FEZF1: variants seen among roughly 807,000 people sequenced by gnomAD.
FEZF1 encodes fez family zinc finger protein 1.
FEZF1 carries 8 observed loss-of-function variants against 32.4 expected under a neutral mutation model. That is an observed-to-expected ratio of 0.25 (90% CI 0.15 to 0.45). FEZF1 has a LOEUF of 0.45. Ranked by LOEUF, FEZF1 falls within the 20% of genes least tolerant of loss-of-function variation. The pLI, the probability that FEZF1 is intolerant of heterozygous loss-of-function variation, is 1.00. For synonymous variants in FEZF1, 259 were observed against 265.2 expected (o/e 0.98, Z 0.23); for missense variants, 546 against 622.3 (o/e 0.88, Z 1.31).
rs759906335 is a variant in FEZF1, at chr7:122,303,994, C to G, written c.444G>C (p.Val148=). 19 of 1,575,078 alleles carry G rather than the reference C, an allele frequency of 1.2e-5. No individual in the cohort carries two copies. The South Asian group carries it at 2.1e-4, about 17-fold the overall frequency. ...TGGCGTGGAATGAAGAGTGGTTGACCACACGCGGCCTTACCAGCTTGTACT... is the reference window on the plus strand; with the variant it reads ...TGGCGTGGAATGAAGAGTGGTTGACGACACGCGGCCTTACCAGCTTGTACT... ...LQQYKLVRPR[V]VNHSSFHAMG... The change falls in exon 1 of 4, where the codon GTG becomes GTC. Residue 148 remains valine, a synonymous_variant. Coordinates refer to ENST00000442488, the MANE Select transcript of FEZF1 (RefSeq NM_001024613.4).
Position 122,303,673 on chromosome 7 carries a change from G to T in FEZF1, c.765C>A (p.Ala255=). ...CTTCGCAAGTGAAAACTTTGGGCTTGGCATTAGGAGAGCCTCGGCTGAAAT... is the reference window on the plus strand; with the variant it reads ...CTTCGCAAGTGAAAACTTTGGGCTTTGCATTAGGAGAGCCTCGGCTGAAAT... ...TSDFSRGSPN[A]KPKVFTCEVC... The change falls in exon 1 of 4, where the codon GCC becomes GCA. Residue 255 remains alanine (A), a synonymous_variant. Transcript: ENST00000442488. 1 of 1,614,112 alleles carries T rather than the reference G, an allele frequency of 6.2e-7. No homozygotes were observed.
At chr7:122,309,033 G>A (rs892764119), upstream of FEZF1, among the ~76,000 whole-genome samples, 1 of 152,190 alleles carries the variant, frequency 6.6e-6, no homozygotes, top group Non-Finnish European at 1.5e-5. Context: ...CTTTTGGTGT[G>A]TGATGGAGGC....
At position 122,302,087 on chromosome 7, in the gene FEZF1, C is replaced by A. The variant is rs1055303695; in HGVS notation, c.1338G>T (p.Pro446=). 10 of 1,609,546 alleles carry A rather than the reference C, an allele frequency of 6.2e-6. No homozygotes were observed. In the South Asian group the frequency reaches 1.1e-4, roughly 18 times the overall value. Residue 446 remains proline (P), a synonymous_variant, in exon 4 of 4, where the codon CCG becomes CCT. Transcript: ENST00000442488. This position sits in a 1 kb window ranked among gnomAD's most constrained non-coding sequence, Gnocchi z 4.4. ...EPGTEPPPPL[P]QQPPMTLPPL... ...GAGGCAGCGTCATCGGCGGCTGCTG[C>A]GGTAGCGGGGGCGGCGGTTCAGTGC...
chr7:122,305,369 T>TA (rs1486881194), upstream of FEZF1: 1 of 152,234 alleles, frequency 6.6e-6, no homozygotes, highest in African/African-American at 2.4e-5. Flanking sequence ...CGCCGGCAGG[T>TA]AACTGGCCTC....
At chr7:122,305,143 G>A (rs2031236236), upstream of FEZF1, 1 of 152,238 alleles carries the variant, frequency 6.6e-6, no homozygotes, top group African/African-American at 2.4e-5. Flanking sequence ...CAAACGCCAA[G>A]CTCCAGAAAG....
Position 122,302,010 on chromosome 7 carries a change from T to C in FEZF1, c.1415A>G (p.Gln472Arg), listed in dbSNP as rs373295088. The C allele has an allele frequency of 8.8e-6, 14 of 1,592,448 alleles. No individual in the cohort carries two copies. The South Asian group carries it at 1.3e-4, about 15-fold the overall frequency. ...TPGPLQPGLH[Q>R]GHQ ...CCTTAGCCTCGATCACTGGTGGCCC[T>C]GGTGGAGCCCGGGCTGCAGGGGCCC... is the stretch of plus-strand genomic sequence containing the variant. The change falls in exon 4 of 4, where the codon CAG (glutamine) becomes CGG (arginine). Residue 472 changes from glutamine to arginine, a missense_variant. This residue lies in a region of FEZF1 where 83 missense variants were observed against 73.0 expected (regional missense o/e 1.14). Transcript: ENST00000442488. The surrounding 1 kb of genome is among the most constrained non-coding windows in gnomAD (Gnocchi z 4.4).
At chr7:122,303,154 G>A (rs1354368395) in intron 2 of FEZF1, 23 bp downstream of exon 2, 1 of 1,613,796 alleles carries the variant, frequency 6.2e-7, no homozygotes, top group African/African-American at 1.3e-5. Context: ...CAAACTAGGT[G>A]AAATTGAGAC....
chr7:122,308,687 C>T (rs1169435625), upstream of FEZF1: 1 of 151,988 alleles, frequency 6.6e-6, no homozygotes, highest in Non-Finnish European at 1.5e-5. Flanking sequence ...TAACTAATTC[C>T]ACTTTCTGCC....
chr7:122,304,174 T>C lies in FEZF1; in HGVS notation c.264A>G (p.Ala88=). The C allele has an allele frequency of 6.2e-7, 1 of 1,600,822 alleles. No homozygotes were observed. Among genetic ancestry groups the C allele is most frequent in the Non-Finnish European group, 8.5e-7 (1 of 1,171,770 alleles). Residue 88 remains alanine, a synonymous_variant, in exon 1 of 4, where the codon GCA becomes GCG. Transcript: ENST00000442488. The part of the protein sequence containing the change: ...VPVAYDTSPK[A]GVTGSEPRKA... Reference sequence around the variant, plus strand: ...TCCGCGGCTCGGAGCCCGTCACTCCTGCCTTGGGGCTCGTGTCGTAGGCCA... The same window carrying C: ...TCCGCGGCTCGGAGCCCGTCACTCCCGCCTTGGGGCTCGTGTCGTAGGCCA...
rs1447349785 is a variant in FEZF1, at chr7:122,302,470, C to T, written c.1070-115G>A. ...AGCAGAAGAGCCGCCACAGGTCCCA[C>T]AACAAGTGCAGGGCTACTATCTGTG... On this transcript the variant is annotated intron_variant, in intron 3 of 3. Coordinates refer to ENST00000442488, the MANE Select transcript of FEZF1 (RefSeq NM_001024613.4). The surrounding 1 kb of genome is among the most constrained non-coding windows in gnomAD (Gnocchi z 4.4). The T allele has an allele frequency of 4.1e-6, 6 of 1,477,262 alleles. No homozygotes were observed. Among genetic ancestry groups the T allele is most frequent in the Non-Finnish European group, 5.5e-6 (6 of 1,096,084 alleles). The allele number at this position is 1,477,262 out of a possible 1,614,324, so 91.5% of individuals were successfully genotyped here.
chr7:122,303,532 A>AGGAG (rs1364846123), intron 1 of FEZF1, 105 bp downstream of exon 1: 3 of 238,654 alleles, frequency 1.3e-5, no homozygotes, highest in South Asian at 1.0e-4. Context: ...GAAGGAAGGA[A>AGGAG]GGAAGGAGGG....
In FEZF1 at chr7:122,302,426, TGGAAG is replaced by T; in HGVS notation, c.1070-76_1070-72del. On this transcript the variant is annotated intron_variant, in intron 3 of 3. Coordinates refer to ENST00000442488, the MANE Select transcript of FEZF1 (RefSeq NM_001024613.4). This position sits in a 1 kb window ranked among gnomAD's most constrained non-coding sequence, Gnocchi z 4.4. The stretch of plus-strand genomic sequence containing the variant: ...GCTTAAAAAGGGAGGAGCAGACACG[TGGAAG>T]GTAGCGCCAGGCAAGCAGAAGAGCC... The T allele has an allele frequency of 6.3e-7, 1 of 1,591,292 alleles. No individual in the cohort carries two copies. The highest frequency in any genetic ancestry group is 1.8e-5 in the Admixed American group (1 of 56,878).
In FEZF1 at chr7:122,303,823, C is replaced by T. The variant is rs757983995; in HGVS notation, c.615G>A (p.Val205=). ...AAGGGTATTTCTCCACCGCCGGGAC[C>T]ACCAGTTTATTCCTTTCGGCTAAAT... ...KTYLAERNKL[V]VPAVEKYPSG... Residue 205 remains valine, a synonymous_variant, in exon 1 of 4, where the codon GTG becomes GTA. Transcript: ENST00000442488. 10 of 1,614,122 alleles carry T rather than the reference C, an allele frequency of 6.2e-6. No individual in the cohort carries two copies. In the Admixed American group the frequency reaches 1.7e-4, roughly 27 times the overall value.
Position 122,304,570 on chromosome 7 carries a change from C to T in FEZF1, c.-133G>A. ...GTAGCCTCCTCCTCCTCCTCCTCCC[C>T]AGCATCACCAGCCGAACCTGCCTGC... On this transcript the variant is annotated 5_prime_UTR_variant, in exon 1 of 4. Transcript: ENST00000442488. The T allele has an allele frequency of 1.5e-6, 1 of 657,052 alleles. No homozygotes were observed. Among genetic ancestry groups the T allele is most frequent in the Non-Finnish European group, 2.4e-6 (1 of 413,614 alleles). The allele number at this position is 657,052 out of a possible 1,614,324, so 40.7% of individuals were successfully genotyped here.
intron 1 of FEZF1, 63 bp downstream of exon 1, chr7:122,303,559 AAGGAGGGAGGGAGGG>A (rs1267808171): frequency 1.3e-6 from 1 of 786,828 alleles, no homozygotes; most frequent in Non-Finnish European, 2.0e-6. Flanking sequence ...GGAAGGAGGG[AAGGAGGGAGGGAGGG>A]AGGGAAGGAA....
chr7:122,301,831 G>A lies in FEZF1; in HGVS notation c.*166C>T, dbSNP rs1223546902. 3.6e-6 allele frequency: 3 copies of A among 824,786 alleles called. No individual in the cohort carries two copies. Among genetic ancestry groups the A allele is most frequent in the Non-Finnish European group, 5.6e-6 (3 of 537,986 alleles). 51.1% of individuals were successfully genotyped at this position (824,786 alleles called of 1,614,324 possible). A position where few individuals can be genotyped will look rare whatever the true frequency, so the allele number is the denominator to read the frequency against. ...TAATACACAAAACCATTTAGCAGGT[G>A]CATGCAAGAGGCGAAAGGCCAGGGG... On this transcript the variant is annotated 3_prime_UTR_variant, in exon 4 of 4. Transcript: ENST00000442488.
Position 122,304,743 on chromosome 7 carries a change from G to A in FEZF1, c.-306C>T, listed in dbSNP as rs969122346. ...CAATCGTTAACTTCCAAGAGGAGAA[G>A]GTAAACTAGATAATTGCTCAATTCG... On this transcript the variant is annotated 5_prime_UTR_variant, in exon 1 of 4. Coordinates refer to ENST00000442488, the MANE Select transcript of FEZF1 (RefSeq NM_001024613.4). 5 of 349,990 alleles carry A rather than the reference G, an allele frequency of 1.4e-5. No individual in the cohort carries two copies. Among genetic ancestry groups the A allele is most frequent in the Non-Finnish European group, 2.7e-5 (5 of 186,380 alleles). The allele number at this position is 349,990 out of a possible 1,614,324, so 21.7% of individuals were successfully genotyped here.
Position 122,303,958 on chromosome 7 carries a change from C to G in FEZF1, c.480G>C (p.Leu160Phe), listed in dbSNP as rs1048562563. 1 of 1,599,652 alleles carries G rather than the reference C, an allele frequency of 6.3e-7. No individual in the cohort carries two copies. The highest frequency in any genetic ancestry group is 8.5e-7 in the Non-Finnish European group (1 of 1,172,830). Residue 160 changes from leucine to phenylalanine, a missense_variant, in exon 1 of 4, where the codon TTG (leucine) becomes TTC (phenylalanine). Around this residue, in one of 3 missense-constraint regions of FEZF1, gnomAD observed 345 missense variants for 360.6 expected, o/e 0.96. Coordinates refer to ENST00000442488, the MANE Select transcript of FEZF1 (RefSeq NM_001024613.4). ...NHSSFHAMGA[L>F]CYLNRGDGPC... ...GGCCGTCACCTCGGTTCAGGTAGCA[C>G]AAGGCGCCCATGGCGTGGAATGAAG...
chr7:122,302,814 C>T lies in FEZF1; in HGVS notation c.1054G>A (p.Gly352Arg). Residue 352 changes from glycine to arginine, a missense_variant, in exon 3 of 4, where the codon GGG becomes AGG. Physicochemically the swap from Gly to Arg is moderately radical, Grantham distance 125 (BLOSUM62 -2). This residue lies in a region of FEZF1 where 118 missense variants were observed against 188.7 expected (regional missense o/e 0.63). Transcript: ENST00000442488. The surrounding 1 kb of genome is among the most constrained non-coding windows in gnomAD (Gnocchi z 4.4). The part of the protein sequence containing the change: ...KPFVCEFCGK[G>R]FHQKGNYKNH... ...GTTTGCATACCTTTTTGATGAAACC[C>T]TTTGCCACAGAATTCACACACAAAC... 3 of 1,613,832 alleles carry T rather than the reference C, an allele frequency of 1.9e-6. No homozygotes were observed. The highest frequency in any genetic ancestry group is 1.7e-6 in the Non-Finnish European group (2 of 1,179,900).
Sources: allele counts gnomAD v4.1 joint callset (sites outside exome capture counted in the v4.1 genomes callset), GRCh38; gene constraint gnomAD v4.1.1; regional missense constraint gnomAD v4.1.1; non-coding constraint Gnocchi (gnomAD v3.1); transcripts MANE v1.5; gene names NCBI Gene and HGNC (gene_info 2026-07-23, HGNC 2026-07-21).